The following CACNA2D1 variants were observed in gnomAD, a reference collection of about 807,000 sequenced individuals.
The protein encoded by CACNA2D1 is calcium voltage-gated channel auxiliary subunit alpha2delta 1.
CACNA2D1 carries 53 observed loss-of-function variants against 171.5 expected under a neutral mutation model. That is an observed-to-expected ratio of 0.31 (90% CI 0.25 to 0.39). The LOEUF (loss-of-function observed/expected upper bound fraction) is 0.39, where lower values mean the gene tolerates loss of function less well. Among genes scored for constraint, CACNA2D1 ranks in the 10% least tolerant of loss-of-function variants. The pLI is 1.00. For missense variants in CACNA2D1, 903 were observed against 1,299.8 expected (o/e 0.69, Z 4.69); for synonymous variants, 442 against 443.1 (o/e 1.00, Z 0.03).
chr7:82,235,875 C>G (rs1228969717), intron 3 of CACNA2D1, among the ~76,000 whole-genome samples: 1 of 152,038 alleles, frequency 6.6e-6, no homozygotes, highest in Non-Finnish European at 1.5e-5. Flanking sequence ...GTATGAACCC[C>G]AGTAATGTCT....
At chr7:82,094,740 C>T (rs1053662553) in intron 6 of CACNA2D1, among the ~76,000 whole-genome samples, 1 of 54,070 alleles carries the variant, frequency 1.8e-5, no homozygotes, top group Non-Finnish European at 3.6e-5. Flanking sequence ...AAAACATGTA[C>T]CCATAAGACT....
intron 1 of CACNA2D1, among the ~76,000 whole-genome samples, chr7:82,370,043 TCTTTAA>T (rs1273071514): frequency 6.6e-6 from 1 of 152,098 alleles, no homozygotes; most frequent in Non-Finnish European, 1.5e-5. Flanking sequence ...GTTAGAAAGT[TCTTTAA>T]CTTTCACATT....
chr7:82,337,633 G>T (rs749539868), intron 2 of CACNA2D1, among the ~76,000 whole-genome samples: 7 of 151,740 alleles, frequency 4.6e-5, no homozygotes, highest in Non-Finnish European at 7.4e-5. Context: ...TTTCTTTCTC[G>T]AAGGAAAAAC....
chr7:81,988,593 A>T (rs964699786), intron 21 of CACNA2D1, among the ~76,000 whole-genome samples: 3 of 152,152 alleles, frequency 2.0e-5, no homozygotes, highest in Non-Finnish European at 4.4e-5. Flanking sequence ...ACCACAGCCT[A>T]CATATTAACT....
chr7:82,332,674 A>G (rs958993340), intron 3 of CACNA2D1, among the ~76,000 whole-genome samples: 1 of 152,120 alleles, frequency 6.6e-6, no homozygotes, highest in East Asian at 1.9e-4. Flanking sequence ...GTATTGAGAT[A>G]AATATCCATA....
chr7:82,124,372 C>T (rs1035397281), intron 5 of CACNA2D1, among the ~76,000 whole-genome samples: 1 of 152,024 alleles, frequency 6.6e-6, no homozygotes, highest in Non-Finnish European at 1.5e-5. Context: ...CTGATTGGTC[C>T]CCTCCCACAA....
intron 3 of CACNA2D1, among the ~76,000 whole-genome samples, chr7:82,192,092 A>G (rs1225304380): frequency 6.6e-6 from 1 of 151,758 alleles, no homozygotes; most frequent in Non-Finnish European, 1.5e-5. Context: ...TATCAGATAC[A>G]TAACTTTAGG....
chr7:82,022,251 ACG>A (rs1554357539), intron 12 of CACNA2D1, among the ~76,000 whole-genome samples: 1 of 150,882 alleles, frequency 6.6e-6, no homozygotes, highest in African/African-American at 2.4e-5. Context: ...ACACACACAC[ACG>A]TGCATAAAAC....
chr7:82,352,367 C>T (rs1451429290), intron 1 of CACNA2D1, among the ~76,000 whole-genome samples: 2 of 152,160 alleles, frequency 1.3e-5, no homozygotes, highest in Non-Finnish European at 2.9e-5. Context: ...CAATCTTTCT[C>T]TTTCTTGGTA....
At chr7:82,181,150 C>T (rs1172583950) in intron 3 of CACNA2D1, among the ~76,000 whole-genome samples, 1 of 132,544 alleles carries the variant, frequency 7.5e-6, no homozygotes, top group African/African-American at 2.9e-5. Flanking sequence ...TTAACCAGGC[C>T]GAAAGTAATG....
chr7:82,359,264 T>C (rs967929671), intron 1 of CACNA2D1, among the ~76,000 whole-genome samples: 5 of 152,194 alleles, frequency 3.3e-5, no homozygotes, highest in Non-Finnish European at 7.4e-5. Context: ...TCATTGCAAA[T>C]TGTTCGCAAA....
chr7:82,279,481 G>A (rs553734919), intron 3 of CACNA2D1, among the ~76,000 whole-genome samples: 2 of 152,176 alleles, frequency 1.3e-5, no homozygotes, highest in South Asian at 4.1e-4. Flanking sequence ...AAAATGACTG[G>A]CTAATAATGT....
At chr7:82,081,131 G>T (rs1809711555) in intron 7 of CACNA2D1, among the ~76,000 whole-genome samples, 1 of 152,136 alleles carries the variant, frequency 6.6e-6, no homozygotes, top group South Asian at 2.1e-4. Context: ...GTTCAATTAA[G>T]TAGAAGTAAC....
At chr7:82,307,815 T>C (rs1485675637) in intron 3 of CACNA2D1, among the ~76,000 whole-genome samples, 2 of 152,156 alleles carry the variant, frequency 1.3e-5, no homozygotes, top group African/African-American at 2.4e-5. Flanking sequence ...ATACCTTCTG[T>C]TTAAATGCAA....
rs1563031586 is a variant in CACNA2D1, at chr7:82,090,846, A to T, written c.527-5946T>A. Among the ~76,000 whole-genome samples the T allele has an allele frequency of 2.6e-5, 4 of 152,278 alleles. No homozygotes were observed. In the South Asian group the frequency reaches 8.3e-4, roughly 32 times the overall value. ...AGATTCAACACTTATTGTAAGTATG[A>T]TTCTAAACAAAAGATATCTTTTGTG... On this transcript the variant is annotated intron_variant, in intron 6 of 38. Transcript: ENST00000356860.
chr7:82,243,588 G>A (rs1357482498), intron 3 of CACNA2D1, among the ~76,000 whole-genome samples: 2 of 151,988 alleles, frequency 1.3e-5, no homozygotes, highest in Non-Finnish European at 2.9e-5. Context: ...TTTTGTTTTG[G>A]TTTTTACACA....
chr7:82,013,389 T>C, intron 14 of CACNA2D1, 72 bp downstream of exon 14: 1 of 593,706 alleles, frequency 1.7e-6, no homozygotes, highest in Non-Finnish European at 2.6e-6. Context: ...TTCTCCATAT[T>C]GAGCATATTT....
intron 11 of CACNA2D1, among the ~76,000 whole-genome samples, chr7:82,035,712 G>A (rs1803216781): frequency 6.6e-6 from 1 of 151,616 alleles, no homozygotes; most frequent in Non-Finnish European, 1.5e-5. Flanking sequence ...ATGAAGTGAG[G>A]GGAAAAAAAA....
intron 3 of CACNA2D1, among the ~76,000 whole-genome samples, chr7:82,313,453 C>T (rs1814726229): frequency 6.6e-6 from 1 of 152,158 alleles, no homozygotes; most frequent in African/African-American, 2.4e-5. Context: ...ATCTGCAGAT[C>T]TCAGAAATTA....
Sources: gnomAD v4.1 joint callset for allele counts (sites outside exome capture counted in the v4.1 genomes callset) on GRCh38, gnomAD v4.1.1 for gene constraint, MANE v1.5 for transcripts, NCBI Gene and HGNC (gene_info 2026-07-23, HGNC 2026-07-21) for gene names.